STX8: variants seen among roughly 807,000 people sequenced by gnomAD.
The protein encoded by STX8 is syntaxin-8.
STX8 carries 23 observed loss-of-function variants against 37.5 expected under a neutral mutation model. That is an observed-to-expected ratio of 0.61 (90% CI 0.44 to 0.87). STX8 has a LOEUF of 0.87. Ranked by LOEUF, STX8 falls within the 40% of genes least tolerant of loss-of-function variation. The probability of loss-of-function intolerance (pLI) is 0.00; values close to 1 mark genes in which losing one functional copy is unlikely to be tolerated. For missense variants in STX8, 313 were observed against 284.7 expected, an observed-to-expected ratio of 1.10 and a Z score of -0.71; for synonymous variants, 115 against 99.1, an observed-to-expected ratio of 1.16 and a Z score of -0.95.
At chr17:9,380,709 C>CTTTTTT (rs776433325) in intron 6 of STX8, among the ~76,000 whole-genome samples, 2 of 98,534 alleles carry the variant, frequency 2.0e-5, no homozygotes, top group Non-Finnish European at 1.8e-5. Context: ...GATACAGAAA[C>CTTTTTT]TTTTTTTTTT....
chr17:9,543,318 G>C (rs1184632736), intron 4 of STX8, among the ~76,000 whole-genome samples: 2 of 149,152 alleles, frequency 1.3e-5, no homozygotes. Flanking sequence ...TTTTGAGACG[G>C]AGTCTTGCTC....
rs867077227 is a variant in STX8, at chr17:9,329,729, G to A, written c.643+48823C>T. Among the ~76,000 whole-genome samples, 5 of 152,336 alleles carry A rather than the reference G, an allele frequency of 3.3e-5. No individual in the cohort carries two copies. The South Asian group carries it at 6.2e-4, about 19-fold the overall frequency. On this transcript the variant is annotated intron_variant, in intron 7 of 7. Transcript: ENST00000306357. The stretch of plus-strand genomic sequence containing the variant: ...GAGGCAAAGTAATGCCAAAGTGAGC[G>A]GTAGGAGCCCGTCACAGCCAAGCAA...
intron 7 of STX8, among the ~76,000 whole-genome samples, chr17:9,299,162 C>A (rs1398689779): frequency 6.6e-6 from 1 of 152,178 alleles, no homozygotes; most frequent in Non-Finnish European, 1.5e-5. Flanking sequence ...GTGACCAACA[C>A]AAGCCTTCTC....
chr17:9,436,798 A>G (rs1307858795), intron 6 of STX8, among the ~76,000 whole-genome samples: 1 of 152,164 alleles, frequency 6.6e-6, no homozygotes, highest in Non-Finnish European at 1.5e-5. Flanking sequence ...GCCTCCCACC[A>G]TCTGTTCTTG....
At chr17:9,463,154 C>A (rs934778378) in intron 6 of STX8, among the ~76,000 whole-genome samples, 2 of 152,180 alleles carry the variant, frequency 1.3e-5, no homozygotes, top group African/African-American at 4.8e-5. Flanking sequence ...ACAGCTTGAG[C>A]AGATTCACCT....
At chr17:9,387,795 A>G (rs1912070327) in intron 6 of STX8, among the ~76,000 whole-genome samples, 1 of 152,220 alleles carries the variant, frequency 6.6e-6, no homozygotes, top group Admixed American at 6.5e-5. Context: ...TGTTACTATA[A>G]GAAAATCAAG....
intron 7 of STX8, among the ~76,000 whole-genome samples, chr17:9,288,349 A>C (rs1908168493): frequency 6.6e-6 from 1 of 152,102 alleles, no homozygotes; most frequent in Non-Finnish European, 1.5e-5. Flanking sequence ...GGAGTGAAAA[A>C]GGAAGACAGC....
chr17:9,315,972 G>A (rs1011454496), intron 7 of STX8, among the ~76,000 whole-genome samples: 35 of 151,214 alleles, frequency 2.3e-4, no homozygotes, highest in Non-Finnish European at 2.2e-4. Flanking sequence ...CCGAGATCAC[G>A]CCACTGCACT....
Position 9,441,821 on chromosome 17 carries a change from G to A in STX8, c.541+50008C>T, listed in dbSNP as rs915406724. Reference sequence around the variant, plus strand: ...CTCCCAAGTAGCTGGGACTACAGGCGCCCACCACCACGCCCGGCTAATTTT... The same window carrying A: ...CTCCCAAGTAGCTGGGACTACAGGCACCCACCACCACGCCCGGCTAATTTT... On this transcript the variant is annotated intron_variant, in intron 6 of 7. Coordinates refer to ENST00000306357, the MANE Select transcript of STX8 (RefSeq NM_004853.3). 5.9e-5 allele frequency among the ~76,000 whole-genome samples: 9 copies of A among 151,486 alleles called. 1 individual carries two copies. The highest frequency in any genetic ancestry group is 4.2e-4 in the South Asian group (2 of 4,790).
intron 7 of STX8, among the ~76,000 whole-genome samples, chr17:9,272,491 A>T (rs116348083): frequency 6.6e-6 from 1 of 152,200 alleles, no homozygotes; most frequent in Non-Finnish European, 1.5e-5. Flanking sequence ...GCACCTGAAG[A>T]ACAAAGATTC....
chr17:9,316,263 C>A (rs549095793), intron 7 of STX8, among the ~76,000 whole-genome samples: 1 of 152,012 alleles, frequency 6.6e-6, no homozygotes, highest in South Asian at 2.1e-4. Flanking sequence ...GATCCTAAAA[C>A]CTTTGGAATC....
intron 6 of STX8, among the ~76,000 whole-genome samples, chr17:9,484,684 G>A (rs926339371): frequency 2.7e-5 from 4 of 147,774 alleles, no homozygotes; most frequent in Middle Eastern, 3.6e-3. Flanking sequence ...AAAATTAGCC[G>A]GGCATGGTGG....
intron 6 of STX8, among the ~76,000 whole-genome samples, chr17:9,396,535 A>AC (rs749333898): frequency 1.1e-4 from 17 of 151,996 alleles, no homozygotes; most frequent in Non-Finnish European, 1.8e-4. Flanking sequence ...ACATGGTGAG[A>AC]CCCCGTCTCT....
intron 7 of STX8, among the ~76,000 whole-genome samples, chr17:9,327,343 G>GAGGAGGAGAAGGAGAGGGAGAGGGAGA (rs1301410922): frequency 1.3e-5 from 2 of 150,424 alleles, no homozygotes; most frequent in African/African-American, 2.5e-5. Context: ...GGAGAAGGAG[G>GAGGAGGAGAAGGAGAGGGAGAGGGAGA]AGGAGGAGAA....
intron 4 of STX8, among the ~76,000 whole-genome samples, chr17:9,535,653 C>A (rs189226832): frequency 1.3e-5 from 2 of 151,958 alleles, no homozygotes; most frequent in Non-Finnish European, 2.9e-5. Context: ...AGGATGGTCT[C>A]AATCTCCTGA....
chr17:9,363,261 C>T (rs1046558039), intron 7 of STX8, among the ~76,000 whole-genome samples: 5 of 152,176 alleles, frequency 3.3e-5, no homozygotes, highest in African/African-American at 4.8e-5. Context: ...TCTTCTCTCC[C>T]GACCCAGGCT....
intron 7 of STX8, among the ~76,000 whole-genome samples, chr17:9,366,254 C>A (rs912558792): frequency 2.0e-5 from 3 of 152,170 alleles, no homozygotes; most frequent in Non-Finnish European, 4.4e-5. Flanking sequence ...TTTTTTGAAA[C>A]AGAGTCTCAC....
chr17:9,494,267 G>A (rs1193719339), intron 5 of STX8, among the ~76,000 whole-genome samples: 9 of 151,566 alleles, frequency 5.9e-5, no homozygotes, highest in Non-Finnish European at 1.3e-4. Context: ...CGCCCGCCTC[G>A]GCCTCCCAAA....
rs373141409 is a variant in STX8, at chr17:9,397,801, G to A, written c.542-19148C>T. ...AGCCTGGTCAACATGGTGAAACCCCGTTTCTACTAAAGGTACAAAAAGTAC... is the reference window on the plus strand; with the variant it reads ...AGCCTGGTCAACATGGTGAAACCCCATTTCTACTAAAGGTACAAAAAGTAC... On this transcript the variant is annotated intron_variant, in intron 6 of 7. Transcript: ENST00000306357. Among the ~76,000 whole-genome samples, 19 of 151,812 alleles carry A rather than the reference G, an allele frequency of 1.3e-4. No individual in the cohort carries two copies. In the South Asian group the frequency reaches 1.3e-3, roughly 10 times the overall value.
Sources: gnomAD v4.1 joint callset for allele counts (sites outside exome capture counted in the v4.1 genomes callset) on GRCh38, gnomAD v4.1.1 for gene constraint, MANE v1.5 for transcripts, NCBI Gene and HGNC (gene_info 2026-07-23, HGNC 2026-07-21) for gene names.